CDH18: variants seen among roughly 807,000 people sequenced by gnomAD.
The protein encoded by CDH18 is cadherin 18, also known as cadherin-18.
A neutral mutation model predicts 67.9 loss-of-function variants in CDH18; 31 were observed. That is an observed-to-expected ratio of 0.46 (90% CI 0.34 to 0.62). The LOEUF (loss-of-function observed/expected upper bound fraction) is 0.62, where lower values mean the gene tolerates loss of function less well. Among genes scored for constraint, CDH18 ranks in the 20% least tolerant of loss-of-function variants. The pLI, the probability that CDH18 is intolerant of heterozygous loss-of-function variation, is 0.01. For synonymous variants in CDH18, 362 were observed against 347.2 expected (o/e 1.04, Z -0.48); for missense variants, 890 against 975.5 (o/e 0.91, Z 1.17).
intron 1 of CDH18, among the ~76,000 whole-genome samples, chr5:20,316,557 G>A (rs1737486170): frequency 6.6e-6 from 1 of 152,030 alleles, no homozygotes; most frequent in South Asian, 2.1e-4. Context: ...AAGCTGTCAA[G>A]TTTATTAAGT....
At chr5:20,480,831 A>G (rs1441859707) in intron 1 of CDH18, among the ~76,000 whole-genome samples, 2 of 152,216 alleles carry the variant, frequency 1.3e-5, no homozygotes, top group African/African-American at 4.8e-5. Context: ...GGTAACCTCA[A>G]ATCAAAAAGA....
intron 2 of CDH18, among the ~76,000 whole-genome samples, chr5:20,147,414 A>T (rs1169536123): frequency 6.6e-6 from 1 of 152,186 alleles, no homozygotes; most frequent in Non-Finnish European, 1.5e-5. Flanking sequence ...AGACTGCACC[A>T]TTAAAAATAA....
At position 20,314,442 on chromosome 5, in the gene CDH18, T is replaced by C. The variant is rs191393770; in HGVS notation, c.-579-58937A>G. Among the ~76,000 whole-genome samples, 899 of 152,226 alleles carry C rather than the reference T, an allele frequency of 5.9e-3. 5 individuals carry two copies. Among genetic ancestry groups the C allele is most frequent in the South Asian group, 0.027 (129 of 4,828 alleles). ...ACTCATTTCTCTTCTTTCTCCTGCA[T>C]GTACCTTAAGAGAGGAATTGCTGAT... On this transcript the variant is annotated intron_variant, in intron 1 of 14. Coordinates refer to the CDH18 transcript ENST00000507958.
At chr5:20,290,348 T>C (rs539372411) in intron 1 of CDH18, among the ~76,000 whole-genome samples, 266 of 152,254 alleles carry the variant, frequency 1.7e-3, no homozygotes, top group Non-Finnish European at 2.4e-3. Flanking sequence ...ATGAGTATGT[T>C]GCTAATGCTT....
At chr5:20,338,605 G>GTA (rs1205046830) in intron 1 of CDH18, among the ~76,000 whole-genome samples, 1 of 152,352 alleles carries the variant, frequency 6.6e-6, no homozygotes, top group East Asian at 1.9e-4. Context: ...GAGGGAACCA[G>GTA]TATGAAGGTT....
At chr5:19,482,405 C>T (rs1033398036) in intron 12 of CDH18, among the ~76,000 whole-genome samples, 4 of 152,082 alleles carry the variant, frequency 2.6e-5, no homozygotes, top group Non-Finnish European at 5.9e-5. Context: ...CGTGAGCCAC[C>T]GCACCTGGCC....
intron 3 of CDH18, among the ~76,000 whole-genome samples, chr5:19,748,552 T>C (rs1770432154): frequency 6.6e-6 from 1 of 152,166 alleles, no homozygotes; most frequent in African/African-American, 2.4e-5. Flanking sequence ...CCTAGAGGTC[T>C]GAACAGTTAT....
intron 5 of CDH18, among the ~76,000 whole-genome samples, chr5:19,683,834 T>C (rs1019986907): frequency 2.1e-4 from 32 of 152,032 alleles, no homozygotes; most frequent in Non-Finnish European, 2.8e-4. Context: ...CCTCTCTATA[T>C]ATATTGTTCA....
At chr5:19,960,605 A>C (rs1796725609) in intron 2 of CDH18, among the ~76,000 whole-genome samples, 1 of 131,290 alleles carries the variant, frequency 7.6e-6, no homozygotes, top group Admixed American at 7.6e-5. Context: ...ATATATATAC[A>C]CACACGTGTA....
intron 4 of CDH18, among the ~76,000 whole-genome samples, chr5:19,735,268 G>T (rs1768150718): frequency 6.6e-6 from 1 of 151,898 alleles, no homozygotes; most frequent in Non-Finnish European, 1.5e-5. Flanking sequence ...CATGGAATCT[G>T]ATCCCAGTGT....
intron 7 of CDH18, among the ~76,000 whole-genome samples, chr5:19,590,705 T>C (rs1482630676): frequency 6.6e-6 from 1 of 152,104 alleles, no homozygotes; most frequent in Non-Finnish European, 1.5e-5. Flanking sequence ...CACAGCTTTA[T>C]TAGGATGATG....
intron 5 of CDH18, among the ~76,000 whole-genome samples, chr5:19,720,867 C>A (rs1019928846): frequency 1.3e-5 from 2 of 152,010 alleles, no homozygotes; most frequent in Admixed American, 6.6e-5. Context: ...AAATAGAAAT[C>A]CCCCAGTACA....
chr5:20,188,437 T>C (rs1179437323), intron 2 of CDH18, among the ~76,000 whole-genome samples: 1 of 152,014 alleles, frequency 6.6e-6, no homozygotes, highest in Non-Finnish European at 1.5e-5. Context: ...GGTACCATGG[T>C]TGACCATTTT....
chr5:19,727,773 AAG>A lies in CDH18; in HGVS notation c.524-6309_524-6308del, dbSNP rs1217396899. Among the ~76,000 whole-genome samples the A allele has an allele frequency of 4.6e-5, 7 of 152,220 alleles. No homozygotes were observed. In the East Asian group the frequency reaches 9.6e-4, roughly 21 times the overall value. ...TTATGTTTGCAACCAGATACATCAT[AAG>A]AGAGATAAAATAAAAAGTTATTGTT... On this transcript the variant is annotated intron_variant, in intron 4 of 12. Coordinates refer to ENST00000382275, the MANE Select transcript of CDH18 (RefSeq NM_004934.5).
At chr5:19,913,843 G>C (rs1395206263) in intron 2 of CDH18, among the ~76,000 whole-genome samples, 1 of 152,076 alleles carries the variant, frequency 6.6e-6, no homozygotes, top group Non-Finnish European at 1.5e-5. Flanking sequence ...AATTAGGCTA[G>C]GAAGGTGCAG....
chr5:19,827,953 A>C (rs1780581301), intron 3 of CDH18, among the ~76,000 whole-genome samples: 1 of 152,184 alleles, frequency 6.6e-6, no homozygotes, highest in African/African-American at 2.4e-5. Context: ...TTGAAAGAAT[A>C]AATTAGATTG....
intron 1 of CDH18, among the ~76,000 whole-genome samples, chr5:20,411,833 G>GA (rs1746806284): frequency 6.6e-6 from 1 of 151,876 alleles, no homozygotes; most frequent in African/African-American, 2.4e-5. Flanking sequence ...CCAAGGAAGT[G>GA]AAAAATTGCT....
chr5:20,448,916 T>G (rs1750215463), intron 1 of CDH18, among the ~76,000 whole-genome samples: 1 of 152,076 alleles, frequency 6.6e-6, no homozygotes, highest in African/African-American at 2.4e-5. Context: ...ATATCACGTC[T>G]GGAACTGAAG....
intron 5 of CDH18, among the ~76,000 whole-genome samples, chr5:19,687,999 C>T (rs61284332): frequency 2.0e-5 from 3 of 152,222 alleles, no homozygotes. Flanking sequence ...ATCACCGTGC[C>T]CCATCCACCA....
Sources: allele counts gnomAD v4.1 joint callset (sites outside exome capture counted in the v4.1 genomes callset), GRCh38; gene constraint gnomAD v4.1.1; transcripts MANE v1.5; gene names NCBI Gene and HGNC (gene_info 2026-07-23, HGNC 2026-07-21).